CEP192: variants seen among roughly 807,000 people sequenced by gnomAD.
CEP192 encodes centrosomal protein of 192 kDa.
In CEP192, 151 loss-of-function variants were observed where a neutral mutation model predicts 271.8. The ratio of observed to expected loss-of-function variants is 0.56; its 90% CI spans 0.49 to 0.64. The LOEUF (loss-of-function observed/expected upper bound fraction) is 0.64, where lower values mean the gene tolerates loss of function less well. CEP192 is among the 30% of genes least tolerant of loss of function. The pLI is 0.00. For synonymous variants in CEP192, 995 were observed against 1,076.5 expected, an observed-to-expected ratio of 0.92 and a Z score of 1.48; for missense variants, 2,910 against 3,020.5, an observed-to-expected ratio of 0.96 and a Z score of 0.86.
intron 11 of CEP192, among the ~76,000 whole-genome samples, chr18:13,035,121 T>C (rs769058185): frequency 2.0e-5 from 3 of 152,204 alleles, no homozygotes. Context: ...AGTGTTAATA[T>C]AGATGTTTCT....
At position 12,991,422 on chromosome 18, in the gene CEP192, C is replaced by G. The variant is rs1315809315; in HGVS notation, c.-20C>G. 1 of 152,662 alleles carries G rather than the reference C, an allele frequency of 6.6e-6. No individual in the cohort carries two copies. The highest frequency in any genetic ancestry group is 1.5e-5 in the Non-Finnish European group (1 of 68,404). 9.5% of individuals were successfully genotyped at this position (152,662 alleles called of 1,614,324 possible). A position where few individuals can be genotyped will look rare whatever the true frequency, so the allele number is the denominator to read the frequency against. ...CCCGCTGCACACTGCCCTCCGAAGT[C>G]GGGGACGCGGGCTCGGTGAGGGGGG... On this transcript the variant is annotated 5_prime_UTR_variant, in exon 1 of 45. Transcript: ENST00000506447.
chr18:13,028,948 G>GT (rs1463609297), intron 9 of CEP192, among the ~76,000 whole-genome samples: 1 of 152,168 alleles, frequency 6.6e-6, no homozygotes, highest in Non-Finnish European at 1.5e-5. Flanking sequence ...TTTTAGTGTT[G>GT]TAACTTTCAG....
At chr18:13,062,882 T>C (rs1176884520) in intron 21 of CEP192, among the ~76,000 whole-genome samples, 2 of 152,262 alleles carry the variant, frequency 1.3e-5, no homozygotes, top group Admixed American at 6.5e-5. Context: ...CCCCAACCCC[T>C]ACCCTTCTGA....
intron 11 of CEP192, among the ~76,000 whole-genome samples, chr18:13,036,867 A>G (rs2035948609): frequency 1.3e-5 from 2 of 152,212 alleles, no homozygotes; most frequent in Admixed American, 1.3e-4. Context: ...TGACAAGCTT[A>G]TAGAGGGCTT....
intron 13 of CEP192, among the ~76,000 whole-genome samples, 182 bp downstream of exon 13, chr18:13,038,761 T>G (rs983399427): frequency 6.6e-6 from 1 of 152,240 alleles, no homozygotes; most frequent in Non-Finnish European, 1.5e-5. Context: ...TAGCTAATTC[T>G]GGGACATTGA....
At chr18:13,014,114 A>G (rs1001330854) in intron 5 of CEP192, among the ~76,000 whole-genome samples, 2 of 152,222 alleles carry the variant, frequency 1.3e-5, no homozygotes, top group African/African-American at 4.8e-5. Context: ...TGGCCCTTAC[A>G]CAAAATGTTT....
intron 6 of CEP192, 144 bp from the exon 7 acceptor site, chr18:13,017,044 C>T (rs1023229159): frequency 5.0e-6 from 3 of 595,900 alleles, no homozygotes; most frequent in African/African-American, 1.9e-5. Context: ...ACTGAAGTTA[C>T]AATAGTTTTC....
intron 12 of CEP192, among the ~76,000 whole-genome samples, chr18:13,038,047 C>G (rs2050296756): frequency 6.6e-6 from 1 of 151,848 alleles, no homozygotes; most frequent in African/African-American, 2.4e-5. Context: ...CCATGTTGCT[C>G]AGGCTGGTCT....
intron 21 of CEP192, among the ~76,000 whole-genome samples, chr18:13,059,912 A>T (rs1473318116): frequency 6.6e-6 from 1 of 152,210 alleles, no homozygotes; most frequent in Non-Finnish European, 1.5e-5. Context: ...ATTACAAATC[A>T]TAGCCTTAGT....
At chr18:13,084,408 G>T (rs535443196) in intron 30 of CEP192, among the ~76,000 whole-genome samples, 1 of 152,322 alleles carries the variant, frequency 6.6e-6, no homozygotes, top group African/African-American at 2.4e-5. Flanking sequence ...GCAAGGCTCT[G>T]TGGGCGTGGG....
At position 13,056,449 on chromosome 18, in the gene CEP192, G is replaced by C; in HGVS notation, c.3859G>C (p.Val1287Leu). The change falls in exon 19 of 45, where the codon GTC becomes CTC. Residue 1287 changes from valine (V) to leucine (L), a missense_variant. By Grantham distance (32) the Val-to-Leu change is conservative. Transcript: ENST00000506447. The stretch of plus-strand genomic sequence containing the variant: ...TCAGTGCCATGCTGGCAATGCCACA[G>C]TCTGTGGCTTCTCAGGAGGCCTTCC... ...LPQCHAGNAT[V>L]CGFSGGLPYP... The C allele has an allele frequency of 6.2e-7, 1 of 1,614,262 alleles. No homozygotes were observed. The highest frequency in any genetic ancestry group is 8.5e-7 in the Non-Finnish European group (1 of 1,180,048).
In CEP192 at chr18:13,056,380, C is replaced by T. The variant is rs151261622; in HGVS notation, c.3790C>T (p.Arg1264Trp). The T allele has an allele frequency of 2.4e-5, 38 of 1,614,120 alleles. No homozygotes were observed. Among genetic ancestry groups the T allele is most frequent in the East Asian group, 4.5e-5 (2 of 44,906 alleles). ...TCTCAGCGCTGCTCCTTTTGCTCAG[C>T]GGTATTTGGGAACACTCCCTTCAAC... ...PSLSAAPFAQ[R>W]YLGTLPSTGS... is the part of the protein sequence containing the mutation. Residue 1264 changes from arginine to tryptophan, a missense_variant, in exon 19 of 45, where the codon CGG becomes TGG. By Grantham distance (101) the Arg-to-Trp change is moderately radical. Coordinates refer to ENST00000506447, the MANE Select transcript of CEP192 (RefSeq NM_032142.4).
chr18:13,024,718 C>T (rs1193182647), intron 9 of CEP192, among the ~76,000 whole-genome samples: 1 of 151,956 alleles, frequency 6.6e-6, no homozygotes, highest in Non-Finnish European at 1.5e-5. Context: ...GCCTTGGCCT[C>T]CCAAAGTGCT....
chr18:13,121,866 T>C (rs896145917), intron 44 of CEP192, among the ~76,000 whole-genome samples: 2 of 152,240 alleles, frequency 1.3e-5, no homozygotes, highest in Admixed American at 6.5e-5. Context: ...AGAGTTATCA[T>C]TGAGCTGCAG....
chr18:13,024,871 G>A (rs576016245), intron 9 of CEP192, among the ~76,000 whole-genome samples: 22 of 150,090 alleles, frequency 1.5e-4, no homozygotes, highest in Admixed American at 1.1e-3. Context: ...CTGAGTTCAA[G>A]CAATTCTCCT....
At chr18:13,075,038 T>A (rs2038199279) in intron 30 of CEP192, among the ~76,000 whole-genome samples, 1 of 152,224 alleles carries the variant, frequency 6.6e-6, no homozygotes, top group African/African-American at 2.4e-5. Context: ...AATCTGAATG[T>A]GTCTCCCAAA....
intron 21 of CEP192, among the ~76,000 whole-genome samples, 184 bp from the exon 22 acceptor site, chr18:13,067,647 A>G (rs545187801): frequency 6.6e-6 from 1 of 152,350 alleles, no homozygotes; most frequent in African/African-American, 2.4e-5. Flanking sequence ...ACTACCTCAA[A>G]AGAAGAATTT....
chr18:13,006,158 T>TC (rs2033966484), intron 3 of CEP192, among the ~76,000 whole-genome samples: 1 of 152,148 alleles, frequency 6.6e-6, no homozygotes, highest in South Asian at 2.1e-4. Context: ...ACTTTTTTTT[T>TC]CCTTTTTTTC....
chr18:12,999,308 TA>T (rs985594523), intron 1 of CEP192, 112 bp from the exon 2 acceptor site: 15 of 830,242 alleles, frequency 1.8e-5, no homozygotes, highest in Non-Finnish European at 2.1e-5. Flanking sequence ...TTACTAATGC[TA>T]AAAAAAGGAT....
Sources: gnomAD v4.1 joint callset for allele counts (sites outside exome capture counted in the v4.1 genomes callset) on GRCh38, gnomAD v4.1.1 for gene constraint, MANE v1.5 for transcripts, NCBI Gene and HGNC (gene_info 2026-07-23, HGNC 2026-07-21) for gene names.